MRPS23: variants seen among roughly 807,000 people sequenced by gnomAD.
The protein encoded by MRPS23 is small ribosomal subunit protein mS23.
In MRPS23, 14 loss-of-function variants were observed where a neutral mutation model predicts 19.8. That is an observed-to-expected ratio of 0.71 (90% CI 0.47 to 1.11). The LOEUF (loss-of-function observed/expected upper bound fraction) is 1.11. MRPS23 is among the 50% of genes least tolerant of loss of function. The pLI, the probability that MRPS23 is intolerant of heterozygous loss-of-function variation, is 0.00. For synonymous variants in MRPS23, 113 were observed against 89.7 expected, an observed-to-expected ratio of 1.26 and a Z score of -1.47; for missense variants, 242 against 236.7, an observed-to-expected ratio of 1.02 and a Z score of -0.15.
At chr17:57,848,882 C>G (rs904235714) in intron 2 of MRPS23, 1 of 172,376 alleles carries the variant, frequency 5.8e-6, no homozygotes, top group Non-Finnish European at 1.2e-5. Context: ...CCTTGAGCTT[C>G]GCAGTCTCCT....
At position 57,838,710 on chromosome 17, in the gene MRPS23, A is replaced by G. The variant is rs2073722182; in HGVS notation, c.*1073T>C. 1 of 152,272 alleles carries G rather than the reference A, an allele frequency of 6.6e-6. No homozygotes were observed. The highest frequency in any genetic ancestry group is 2.1e-4 in the South Asian group (1 of 4,836). The allele number at this position is 152,272 out of a possible 1,614,324, so 9.4% of individuals were successfully genotyped here. On this transcript the variant is annotated 3_prime_UTR_variant, in exon 5 of 5. Transcript: ENST00000313608. ...CTGCTTTTGCCTAATGTATTCATTC[A>G]CCTGCATGAACCAAGCACCCACGTG... is the stretch of plus-strand genomic sequence containing the variant.
chr17:57,850,025 A>T lies in MRPS23; in HGVS notation c.-15T>A, dbSNP rs1234213851. On this transcript the variant is annotated 5_prime_UTR_variant, in exon 1 of 5. Coordinates refer to ENST00000313608, the MANE Select transcript of MRPS23 (RefSeq NM_016070.4). ...CTGCCTGCCATGATCTGCGCCTGGT[A>T]CCGAGCGTGACTAGCTGCTACCGGA... 6.3e-7 allele frequency: 1 copy of T among 1,588,910 alleles called. No homozygotes were observed. The highest frequency in any genetic ancestry group is 8.5e-7 in the Non-Finnish European group (1 of 1,172,644).
chr17:57,841,400 G>T, intron 2 of MRPS23, 140 bp from the exon 3 acceptor site: 1 of 806,126 alleles, frequency 1.2e-6, no homozygotes. Flanking sequence ...GAACAGTTTT[G>T]TTTTTTTAGA....
intron 4 of MRPS23, chr17:57,840,656 A>C (rs1323774038): frequency 7.2e-6 from 2 of 278,752 alleles, no homozygotes; most frequent in Non-Finnish European, 1.3e-5. Context: ...TTTTAACAAT[A>C]AATAAATAAA....
At chr17:57,842,363 C>T (rs895617621) in intron 2 of MRPS23, among the ~76,000 whole-genome samples, 1 of 152,184 alleles carries the variant, frequency 6.6e-6, no homozygotes, top group Non-Finnish European at 1.5e-5. Flanking sequence ...AGAAAACTCA[C>T]AAAGCTGTGC....
At chr17:57,841,614 C>T (rs1173616710) in intron 2 of MRPS23, among the ~76,000 whole-genome samples, 1 of 152,240 alleles carries the variant, frequency 6.6e-6, no homozygotes, top group Non-Finnish European at 1.5e-5. Flanking sequence ...TGTCCCCAGC[C>T]ACATTTTTAA....
chr17:57,846,410 G>A (rs1040340926), intron 2 of MRPS23, among the ~76,000 whole-genome samples: 3 of 152,252 alleles, frequency 2.0e-5, no homozygotes, highest in African/African-American at 4.8e-5. Flanking sequence ...CCCCATCTGG[G>A]AGGAGTACCC....
At chr17:57,842,268 C>T (rs1332810500) in intron 2 of MRPS23, among the ~76,000 whole-genome samples, 1 of 152,216 alleles carries the variant, frequency 6.6e-6, no homozygotes, top group Non-Finnish European at 1.5e-5. Context: ...CCCACCTTGG[C>T]TTCCAAAAAT....
At position 57,850,032 on chromosome 17, in the gene MRPS23, G is replaced by C; in HGVS notation, c.-22C>G. The C allele has an allele frequency of 1.3e-6, 2 of 1,585,922 alleles. No homozygotes were observed. The highest frequency in any genetic ancestry group is 1.7e-6 in the Non-Finnish European group (2 of 1,171,096). ...CCATGATCTGCGCCTGGTACCGAGC[G>C]TGACTAGCTGCTACCGGAACCGGAA... is the stretch of plus-strand genomic sequence containing the variant. On this transcript the variant is annotated 5_prime_UTR_variant, in exon 1 of 5. Coordinates refer to ENST00000313608, the MANE Select transcript of MRPS23 (RefSeq NM_016070.4).
intron 4 of MRPS23, 125 bp downstream of exon 4, chr17:57,840,801 C>T (rs2073735410): frequency 7.7e-7 from 1 of 1,297,882 alleles, no homozygotes. Context: ...AAAACCACAG[C>T]ACTTTATAAA....
intron 2 of MRPS23, 122 bp from the exon 3 acceptor site, chr17:57,841,382 C>T: frequency 1.0e-6 from 1 of 971,202 alleles, no homozygotes; most frequent in Non-Finnish European, 1.5e-6. Context: ...ACCCACATAG[C>T]CTAAGCTGAA....
At chr17:57,847,389 G>A (rs371365776) in intron 2 of MRPS23, among the ~76,000 whole-genome samples, 3 of 150,460 alleles carry the variant, frequency 2.0e-5, no homozygotes, top group South Asian at 4.2e-4. Flanking sequence ...GAGGCCGGGC[G>A]CGGTGGCTCA....
At chr17:57,849,508 G>C (rs1329378148) in intron 1 of MRPS23, 98 bp from the exon 2 acceptor site, 13 of 1,407,658 alleles carry the variant, frequency 9.2e-6, no homozygotes, top group Non-Finnish European at 1.3e-5. Flanking sequence ...GGTATTATGC[G>C]GTCTGCAACA....
At position 57,839,817 on chromosome 17, in the gene MRPS23, G is replaced by A. The variant is rs775090743; in HGVS notation, c.539C>T (p.Pro180Leu). Residue 180 changes from proline (P) to leucine (L), a missense_variant, in exon 5 of 5, where the codon CCT becomes CTT. Physicochemically the swap from Pro to Leu is moderately conservative, Grantham distance 98. Coordinates refer to ENST00000313608, the MANE Select transcript of MRPS23 (RefSeq NM_016070.4). ...CAAGAGACCTTTCGACTGGTCTGCA[G>A]GTGCCTCCAAATGCTGGTCCTGTGG... ...EVPQDQHLEAPADQSKGLLPP is the reference protein window; with the variant it reads ...EVPQDQHLEALADQSKGLLPP 1 of 1,614,168 alleles carries A rather than the reference G, an allele frequency of 6.2e-7. No individual in the cohort carries two copies. Among genetic ancestry groups the A allele is most frequent in the Admixed American group, 1.7e-5 (1 of 60,016 alleles).
rs1216198599 is a variant in MRPS23 at position 57,836,732 on chromosome 17, G to C, written c.*3051C>G. The C allele has an allele frequency of 6.7e-6, 1 of 150,282 alleles. No homozygotes were observed. The highest frequency in any genetic ancestry group is 6.7e-5 in the Admixed American group (1 of 15,000). The allele number at this position is 150,282 out of a possible 1,614,324, so 9.3% of individuals were successfully genotyped here. A position where few individuals can be genotyped will look rare whatever the true frequency, so the allele number is the denominator to read the frequency against. ...GCTCTGTCGCCCAAGCTGGAGTGCA[G>C]TGGCACAATCTCGGCTCAACTGCAG... On this transcript the variant is annotated 3_prime_UTR_variant, in exon 5 of 5. Coordinates refer to ENST00000313608, the MANE Select transcript of MRPS23 (RefSeq NM_016070.4).
rs1172458239 is a variant in MRPS23 at position 57,842,891 on chromosome 17, T to TATAC, written c.216-1632_216-1631insGTAT. Among the ~76,000 whole-genome samples the TATAC allele has an allele frequency of 1.2e-3, 92 of 76,608 alleles. 2 individuals are homozygous for TATAC. The highest frequency in any genetic ancestry group is 4.8e-3 in the Admixed American group (27 of 5,594). The allele number at this position is 76,608 out of a possible 152,430, so 50.3% of individuals were successfully genotyped here. A position where few individuals can be genotyped will look rare whatever the true frequency, so the allele number is the denominator to read the frequency against. ...AAAAAAAAAAAAAAATATATATATA[T>TATAC]ACACACACACACACACACACACACA... On this transcript the variant is annotated intron_variant, in intron 2 of 4. Transcript: ENST00000313608.
rs2073720685 is a variant in MRPS23 at position 57,838,432 on chromosome 17, C to T, written c.*1351G>A. 2 of 151,734 alleles carry T rather than the reference C, an allele frequency of 1.3e-5. No individual in the cohort carries two copies. The highest frequency in any genetic ancestry group is 4.8e-5 in the African/African-American group (2 of 41,294). 9.4% of individuals were successfully genotyped at this position (151,734 alleles called of 1,614,324 possible). ...TCATCATTGTGGCAAAAAAAACCTG[C>T]CCTTAAAAAACCAGAAACCTAAGGT... On this transcript the variant is annotated 3_prime_UTR_variant, in exon 5 of 5. Coordinates refer to ENST00000313608, the MANE Select transcript of MRPS23 (RefSeq NM_016070.4).
Position 57,839,913 on chromosome 17 carries a change from G to T in MRPS23, c.443C>A (p.Ser148Tyr). The part of the protein sequence containing the change: ...ARTQHGGSHV[S>Y]RKSEHLSVRP... ...GACACTCAAGTGTTCGGATTTCCGGGAAACGTGACTACCTCCGTGTTGCTT... is the reference window on the plus strand; with the variant it reads ...GACACTCAAGTGTTCGGATTTCCGGTAAACGTGACTACCTCCGTGTTGCTT... Residue 148 changes from serine (S) to tyrosine (Y), a missense_variant, in exon 5 of 5, where the codon TCC becomes TAC. Physicochemically the swap from Ser to Tyr is moderately radical, Grantham distance 144. Transcript: ENST00000313608. 3 of 1,614,192 alleles carry T rather than the reference G, an allele frequency of 1.9e-6. No individual in the cohort carries two copies. Among genetic ancestry groups the T allele is most frequent in the Non-Finnish European group, 1.7e-6 (2 of 1,180,036 alleles).
intron 2 of MRPS23, among the ~76,000 whole-genome samples, chr17:57,844,664 G>C (rs539400306): frequency 1.3e-5 from 2 of 149,956 alleles, no homozygotes; most frequent in African/African-American, 2.4e-5. Flanking sequence ...CCAGCTACTC[G>C]GGAGGCTGAG....
Sources: gnomAD v4.1 joint callset for allele counts (sites outside exome capture counted in the v4.1 genomes callset) on GRCh38, gnomAD v4.1.1 for gene constraint, MANE v1.5 for transcripts, NCBI Gene and HGNC (gene_info 2026-07-23, HGNC 2026-07-21) for gene names.